Variants in JADE1 observed in about 807,000 individuals in gnomAD.
JADE1 encodes the protein protein Jade-1.
In JADE1, 14 loss-of-function variants were observed where a neutral mutation model predicts 81.8. That is an observed-to-expected ratio of 0.17 (90% CI 0.11 to 0.27). JADE1 has a LOEUF of 0.27. Ranked by LOEUF, JADE1 falls within the 10% of genes least tolerant of loss-of-function variation. The pLI is 1.00. For synonymous variants in JADE1, 353 were observed against 391.9 expected (o/e 0.90, Z 1.17); for missense variants, 690 against 1,047.9 (o/e 0.66, Z 4.71).
intron 9 of JADE1, chr4:128,862,701 A>G: frequency 9.9e-7 from 1 of 1,010,272 alleles, no homozygotes. Context: ...TGATGGGCTT[A>G]TGAAGGAAGC....
intron 2 of JADE1, among the ~76,000 whole-genome samples, chr4:128,840,869 A>G (rs1289553565): frequency 2.6e-5 from 4 of 152,242 alleles, no homozygotes. Context: ...CACCAGCAGG[A>G]GCTCCAGTTC....
chr4:128,810,353 T>C (rs1335283495), intron 1 of JADE1: 2 of 151,946 alleles, frequency 1.3e-5, no homozygotes, highest in Admixed American at 6.6e-5. Context: ...AGCTATTTCT[T>C]CTTTTGGATT....
chr4:128,862,922 C>T, intron 9 of JADE1: 1 of 962,866 alleles, frequency 1.0e-6, no homozygotes, highest in African/African-American at 1.8e-5. Flanking sequence ...GTGCGCGTGC[C>T]CGTGTCCATC....
chr4:128,852,166 C>A lies in JADE1; in HGVS notation c.594C>A (p.Ile198=). The A allele has an allele frequency of 6.2e-7, 1 of 1,614,016 alleles. No individual in the cohort carries two copies. The highest frequency in any genetic ancestry group is 8.5e-7 in the Non-Finnish European group (1 of 1,179,980). ...TAGAGACTGAGGAAGGCCTGGGGAT[C>A]GAATATGATGAAGATGTTGTCTGTG... ...HAIETEEGLG[I]EYDEDVVCDV... Residue 198 remains isoleucine (I), a synonymous_variant, in exon 6 of 11, where the codon ATC becomes ATA. Coordinates refer to ENST00000226319, the MANE Select transcript of JADE1 (RefSeq NM_199320.4).
At chr4:128,834,338 G>A (rs1051348132) in intron 2 of JADE1, among the ~76,000 whole-genome samples, 1 of 152,028 alleles carries the variant, frequency 6.6e-6, no homozygotes, top group Non-Finnish European at 1.5e-5. Context: ...CACAGGCATC[G>A]CTGGTGTGCC....
intron 8 of JADE1, 72 bp downstream of exon 8, chr4:128,857,526 G>A: frequency 1.6e-6 from 2 of 1,238,814 alleles, no homozygotes; most frequent in South Asian, 2.4e-5. Flanking sequence ...GGAAGGCTCT[G>A]TGAACTGTCC....
intron 1 of JADE1, among the ~76,000 whole-genome samples, chr4:128,822,437 G>T (rs1322043776): frequency 6.6e-6 from 1 of 152,158 alleles, no homozygotes; most frequent in African/African-American, 2.4e-5. Context: ...TCATGGCCAG[G>T]TGCAGTGGCT....
intron 4 of JADE1, among the ~76,000 whole-genome samples, chr4:128,847,505 CTG>C (rs1729965996): frequency 6.6e-6 from 1 of 152,170 alleles, no homozygotes; most frequent in Admixed American, 6.5e-5. Context: ...AGGCTAGAGT[CTG>C]GACCTGTGGA....
At chr4:128,823,886 G>C (rs1328027775) in intron 1 of JADE1, among the ~76,000 whole-genome samples, 1 of 152,126 alleles carries the variant, frequency 6.6e-6, no homozygotes, top group East Asian at 1.9e-4. Context: ...AAAAACTGAG[G>C]TAAGAAACCA....
Position 128,871,637 on chromosome 4 carries a change from A to C in JADE1, c.1904A>C (p.Lys635Thr). The C allele has an allele frequency of 3.1e-6, 5 of 1,614,230 alleles. No individual in the cohort carries two copies. The highest frequency in any genetic ancestry group is 4.2e-6 in the Non-Finnish European group (5 of 1,180,042). ...CCAGAGAGCTTTTTGGGTTTAGAAA[A>C]GACCTTTGCAGAAGCACGTCTCATA... The part of the protein sequence containing the change: ...VVPESFLGLE[K>T]TFAEARLISA... Residue 635 changes from lysine (K) to threonine (T), a missense_variant, in exon 11 of 11, where the codon AAG becomes ACG. Transcript: ENST00000226319. This position sits in a 1 kb window ranked among gnomAD's most constrained non-coding sequence, Gnocchi z 4.1.
At chr4:128,869,318 A>G (rs1298494162) in intron 10 of JADE1, among the ~76,000 whole-genome samples, 1 of 152,202 alleles carries the variant, frequency 6.6e-6, no homozygotes, top group East Asian at 1.9e-4. Flanking sequence ...AGGTCGATTC[A>G]GATTCCCTAA....
intron 1 of JADE1, among the ~76,000 whole-genome samples, chr4:128,830,480 C>T (rs561824463): frequency 2.6e-4 from 39 of 152,242 alleles, no homozygotes; most frequent in Middle Eastern, 3.4e-3. Context: ...GTGATCCTCC[C>T]GTCTTTGCTT....
chr4:128,872,683 A>G lies in JADE1; in HGVS notation c.*421A>G. 1 of 274,726 alleles carries G rather than the reference A, an allele frequency of 3.6e-6. No individual in the cohort carries two copies. The highest frequency in any genetic ancestry group is 3.7e-5 in the South Asian group (1 of 27,272). 17.0% of individuals were successfully genotyped at this position (274,726 alleles called of 1,614,324 possible). ...CCTCATGGTACCATTCACAGCCCAT[A>G]AAGTTTATTTTCTAGGACTGTGGTA... On this transcript the variant is annotated 3_prime_UTR_variant, in exon 11 of 11. Transcript: ENST00000226319.
intron 1 of JADE1, among the ~76,000 whole-genome samples, chr4:128,826,196 AG>A (rs1728046325): frequency 6.6e-6 from 1 of 152,184 alleles, no homozygotes; most frequent in South Asian, 2.1e-4. Flanking sequence ...ACAGAATGTC[AG>A]GGTGAGCCGT....
chr4:128,836,811 A>G (rs1465770986), intron 2 of JADE1, among the ~76,000 whole-genome samples: 3 of 145,912 alleles, frequency 2.1e-5, no homozygotes, highest in Non-Finnish European at 4.5e-5. Flanking sequence ...ATCTCAGCTC[A>G]TTGCCCGCTC....
At chr4:128,845,410 C>T (rs1428650131) in intron 3 of JADE1, among the ~76,000 whole-genome samples, 20 of 152,208 alleles carry the variant, frequency 1.3e-4, no homozygotes, top group Admixed American at 1.3e-3. Flanking sequence ...TCTCTATTTC[C>T]TTTCCCCACA....
intron 6 of JADE1, among the ~76,000 whole-genome samples, chr4:128,854,355 TCTC>T (rs1730617659): frequency 6.6e-6 from 1 of 152,208 alleles, no homozygotes; most frequent in South Asian, 2.1e-4. Flanking sequence ...CTTTATGTAA[TCTC>T]CTAAATTAAT....
intron 1 of JADE1, among the ~76,000 whole-genome samples, chr4:128,820,588 A>G (rs1335681441): frequency 6.6e-6 from 1 of 152,104 alleles, no homozygotes; most frequent in African/African-American, 2.4e-5. Context: ...TTGTGATGAA[A>G]CGTTTGTTTT....
chr4:128,869,379 G>A (rs1233613728), intron 10 of JADE1, among the ~76,000 whole-genome samples: 1 of 152,178 alleles, frequency 6.6e-6, no homozygotes, highest in Non-Finnish European at 1.5e-5. Context: ...AATGAGATCT[G>A]TTTAACTGCC....
Sources: gnomAD v4.1 joint callset for allele counts (sites outside exome capture counted in the v4.1 genomes callset) on GRCh38, gnomAD v4.1.1 for gene constraint, Gnocchi (gnomAD v3.1) non-coding constraint, MANE v1.5 for transcripts, NCBI Gene and HGNC (gene_info 2026-07-23, HGNC 2026-07-21) for gene names.